LMCD1: variants seen among roughly 807,000 people sequenced by gnomAD.
The protein encoded by LMCD1 is LIM and cysteine-rich domains protein 1.
A neutral mutation model predicts 42.7 loss-of-function variants in LMCD1; 32 were observed. That is an observed-to-expected ratio of 0.75 (90% CI 0.57 to 1.01). LMCD1 has a LOEUF of 1.01. Ranked by LOEUF, LMCD1 falls within the 50% of genes least tolerant of loss-of-function variation. The pLI, the probability that LMCD1 is intolerant of heterozygous loss-of-function variation, is 0.00. For missense variants in LMCD1, 458 were observed against 483.1 expected, an observed-to-expected ratio of 0.95 and a Z score of 0.49; for synonymous variants, 178 against 184.9, an observed-to-expected ratio of 0.96 and a Z score of 0.30.
At chr3:8,549,663 T>C (rs1484775596) in intron 4 of LMCD1, among the ~76,000 whole-genome samples, 2 of 152,218 alleles carry the variant, frequency 1.3e-5, no homozygotes, top group African/African-American at 4.8e-5. Context: ...TTTCTGTTAC[T>C]TATAGCAGAA....
rs373401284 is a variant in LMCD1 at position 8,567,630 on chromosome 3, G to A, written c.*32G>A. 2.5e-6 allele frequency: 4 copies of A among 1,595,010 alleles called. No homozygotes were observed. The highest frequency in any genetic ancestry group is 3.4e-6 in the Non-Finnish European group (4 of 1,169,464). ...GCCCACCCACAGCCAGAATCCACAG[G>A]ATCCCACCGAGAAGGAGAGCCAGGT... On this transcript the variant is annotated 3_prime_UTR_variant, in exon 6 of 6. Transcript: ENST00000157600.
chr3:8,550,380 G>A (rs1574970111), intron 4 of LMCD1: 4 of 985,354 alleles, frequency 4.1e-6, no homozygotes, highest in Non-Finnish European at 4.8e-6. Context: ...TTGCTGAACA[G>A]GCTGGCAGTC....
At chr3:8,527,380 G>A (rs969721013) in intron 1 of LMCD1, among the ~76,000 whole-genome samples, 1 of 152,094 alleles carries the variant, frequency 6.6e-6, no homozygotes, top group African/African-American at 2.4e-5. Flanking sequence ...TCTTTTGACT[G>A]GGAATAATGA....
chr3:8,567,638 C>G lies in LMCD1; in HGVS notation c.*40C>G. Reference sequence around the variant, plus strand: ...ACAGCCAGAATCCACAGGATCCCACCGAGAAGGAGAGCCAGGTGTGCCGAG... The same window carrying G: ...ACAGCCAGAATCCACAGGATCCCACGGAGAAGGAGAGCCAGGTGTGCCGAG... On this transcript the variant is annotated 3_prime_UTR_variant, in exon 6 of 6. Transcript: ENST00000157600. 1.3e-6 allele frequency: 2 copies of G among 1,585,272 alleles called. No homozygotes were observed. The highest frequency in any genetic ancestry group is 8.6e-7 in the Non-Finnish European group (1 of 1,164,438).
At chr3:8,566,669 G>C (rs1258230650) in intron 5 of LMCD1, among the ~76,000 whole-genome samples, 1 of 152,148 alleles carries the variant, frequency 6.6e-6, no homozygotes, top group Non-Finnish European at 1.5e-5. Flanking sequence ...CAATCCTTTA[G>C]GGAGAGATAA....
chr3:8,544,797 C>G (rs924848689), intron 3 of LMCD1, among the ~76,000 whole-genome samples: 2 of 152,178 alleles, frequency 1.3e-5, no homozygotes, highest in Non-Finnish European at 2.9e-5. Flanking sequence ...ATGAACCTAG[C>G]AGCAGCCACC....
intron 1 of LMCD1, among the ~76,000 whole-genome samples, chr3:8,531,726 T>G (rs1370721198): frequency 6.6e-6 from 1 of 152,208 alleles, no homozygotes; most frequent in Non-Finnish European, 1.5e-5. Flanking sequence ...TGAGTTCCAC[T>G]AGGGCACACC....
At chr3:8,507,419 C>T (rs1179311475) in intron 1 of LMCD1, among the ~76,000 whole-genome samples, 1 of 152,190 alleles carries the variant, frequency 6.6e-6, no homozygotes, top group African/African-American at 2.4e-5. Context: ...CTTTGTGAAA[C>T]TCCCAAATCA....
chr3:8,503,089 C>T (rs1036783330), intron 1 of LMCD1, among the ~76,000 whole-genome samples: 1 of 152,224 alleles, frequency 6.6e-6, no homozygotes, highest in Non-Finnish European at 1.5e-5. Flanking sequence ...AGCAGGGATA[C>T]TGACACTGTG....
At chr3:8,537,850 A>G (rs915823499) in intron 3 of LMCD1, among the ~76,000 whole-genome samples, 1 of 152,210 alleles carries the variant, frequency 6.6e-6, no homozygotes, top group African/African-American at 2.4e-5. Flanking sequence ...AGAGCAGAGA[A>G]ACATTTCTCT....
At chr3:8,545,704 G>A (rs1694722018) in intron 3 of LMCD1, among the ~76,000 whole-genome samples, 1 of 152,152 alleles carries the variant, frequency 6.6e-6, no homozygotes, top group Admixed American at 6.5e-5. Context: ...ACTGGGGCTT[G>A]GTGCCTGGGA....
chr3:8,535,590 GACC>G (rs1694495010), intron 2 of LMCD1, among the ~76,000 whole-genome samples: 1 of 152,188 alleles, frequency 6.6e-6, no homozygotes, highest in Non-Finnish European at 1.5e-5. Context: ...CCAAACTCAT[GACC>G]ACTAAGCACC....
At chr3:8,507,645 T>C (rs559076207) in intron 1 of LMCD1, among the ~76,000 whole-genome samples, 1 of 152,340 alleles carries the variant, frequency 6.6e-6, no homozygotes, top group Admixed American at 6.5e-5. Context: ...GACATTTTCC[T>C]GTGTGTTAGC....
At chr3:8,507,096 A>T (rs1488807494) in intron 1 of LMCD1, among the ~76,000 whole-genome samples, 4 of 152,220 alleles carry the variant, frequency 2.6e-5, no homozygotes, top group Admixed American at 2.0e-4. Context: ...CTACTGTCTC[A>T]CCAGGTGCAG....
Position 8,502,321 on chromosome 3 carries a change from T to TAAAA in LMCD1, c.42+341_42+342insAAAA, listed in dbSNP as rs1553604870. Among the ~76,000 whole-genome samples, 75 of 25,758 alleles carry TAAAA rather than the reference T, an allele frequency of 2.9e-3. 8 individuals carry two copies. Among genetic ancestry groups the TAAAA allele is most frequent in the African/African-American group, 0.013 (70 of 5,274 alleles). The allele number at this position is 25,758 out of a possible 152,430, so 16.9% of individuals were successfully genotyped here. A position where few individuals can be genotyped will look rare whatever the true frequency, so the allele number is the denominator to read the frequency against. Reference sequence around the variant, plus strand: ...TTATATATAATATATAAAATATATATTATATATAATATATATTATATATAA... The same window carrying TAAAA: ...TTATATATAATATATAAAATATATATAAAATATATATAATATATATTATATATAA... On this transcript the variant is annotated intron_variant, in intron 1 of 5. Coordinates refer to ENST00000157600, the MANE Select transcript of LMCD1 (RefSeq NM_014583.4).
In LMCD1 at chr3:8,567,605, GCCCA is replaced by G. The variant is rs778524273; in HGVS notation, c.*13_*16del. 6.2e-7 allele frequency: 1 copy of G among 1,610,436 alleles called. No individual in the cohort carries two copies. The highest frequency in any genetic ancestry group is 1.1e-5 in the South Asian group (1 of 90,794). On this transcript the variant is annotated 3_prime_UTR_variant, in exon 6 of 6. Coordinates refer to ENST00000157600, the MANE Select transcript of LMCD1 (RefSeq NM_014583.4). Reference sequence around the variant, plus strand: ...CAAGTCCAAACGCTCCTGAAGGGCTGCCCACCCACAGCCAGAATCCACAGGATCC... The same window carrying G: ...CAAGTCCAAACGCTCCTGAAGGGCTGCCCACAGCCAGAATCCACAGGATCC...
intron 4 of LMCD1, among the ~76,000 whole-genome samples, chr3:8,557,583 A>G (rs1694948903): frequency 6.6e-6 from 1 of 152,164 alleles, no homozygotes; most frequent in African/African-American, 2.4e-5. Context: ...GAAGGCCAAC[A>G]CAGTTCAGTC....
intron 1 of LMCD1, among the ~76,000 whole-genome samples, chr3:8,522,450 C>G (rs1242579074): frequency 1.3e-5 from 2 of 152,162 alleles, no homozygotes; most frequent in African/African-American, 4.8e-5. Context: ...GTGTGTTCCT[C>G]AAGGAGCCTG....
chr3:8,559,691 T>A (rs116778920), intron 4 of LMCD1, among the ~76,000 whole-genome samples: 96 of 152,298 alleles, frequency 6.3e-4, no homozygotes, highest in African/African-American at 2.3e-3. Context: ...TGCTAGCTTG[T>A]CTCTCGTGGC....
Sources: gnomAD v4.1 joint callset for allele counts (sites outside exome capture counted in the v4.1 genomes callset) on GRCh38, gnomAD v4.1.1 for gene constraint, MANE v1.5 for transcripts, NCBI Gene and HGNC (gene_info 2026-07-23, HGNC 2026-07-21) for gene names.